The following PIGF variants were observed in gnomAD, a reference collection of about 807,000 sequenced individuals.
The protein encoded by PIGF is phosphatidylinositol glycan anchor biosynthesis class F.
PIGF carries 23 observed loss-of-function variants against 26.0 expected under a neutral mutation model. The ratio of observed to expected loss-of-function variants is 0.88; its 90% CI spans 0.64 to 1.25. PIGF has a LOEUF of 1.25. Ranked by LOEUF, PIGF falls within the 50% of genes most tolerant of loss-of-function variation. The probability of loss-of-function intolerance (pLI) is 0.00; values close to 1 mark genes in which losing one functional copy is unlikely to be tolerated. For synonymous variants in PIGF, 93 were observed against 92.6 expected (o/e 1.00, Z -0.03); for missense variants, 278 against 249.9 (o/e 1.11, Z -0.76).
intron 4 of PIGF, among the ~76,000 whole-genome samples, chr2:46,609,639 T>A (rs775102965): frequency 6.6e-6 from 1 of 152,066 alleles, no homozygotes; most frequent in Non-Finnish European, 1.5e-5. Flanking sequence ...GACCATAGTA[T>A]GGTTATTAAC....
intron 5 of PIGF, chr2:46,581,869 G>C: frequency 3.5e-6 from 1 of 286,810 alleles, no homozygotes; most frequent in Non-Finnish European, 6.4e-6. Context: ...TTAAAATTTT[G>C]GGTCAGACTT....
chr2:46,586,577 G>A (rs905246311), intron 5 of PIGF, among the ~76,000 whole-genome samples: 4 of 152,058 alleles, frequency 2.6e-5, no homozygotes, highest in African/African-American at 9.7e-5. Context: ...TGTCTCTCTC[G>A]AGATAAAAAG....
intron 4 of PIGF, among the ~76,000 whole-genome samples, chr2:46,606,791 A>T (rs1670235398): frequency 1.3e-5 from 2 of 152,318 alleles, no homozygotes; most frequent in South Asian, 4.1e-4. Context: ...AAAAACCTAT[A>T]CACAAATGTT....
chr2:46,600,949 T>C (rs539051629), intron 4 of PIGF, among the ~76,000 whole-genome samples: 1 of 152,052 alleles, frequency 6.6e-6, no homozygotes, highest in East Asian at 1.9e-4. Flanking sequence ...GAAGAACATA[T>C]AAAATCTGCT....
chr2:46,594,957 T>A (rs1434468039), intron 4 of PIGF, among the ~76,000 whole-genome samples: 2 of 151,716 alleles, frequency 1.3e-5, no homozygotes, highest in Non-Finnish European at 2.9e-5. Context: ...TTCAAGGGAT[T>A]CTCCTGCCTC....
chr2:46,603,169 T>C (rs1670112444), intron 4 of PIGF, among the ~76,000 whole-genome samples: 2 of 151,952 alleles, frequency 1.3e-5, no homozygotes, highest in Non-Finnish European at 2.9e-5. Flanking sequence ...GTGAAATATA[T>C]CTACAATGAA....
chr2:46,590,981 C>T (rs1390873172), intron 5 of PIGF, among the ~76,000 whole-genome samples: 2 of 152,200 alleles, frequency 1.3e-5, no homozygotes, highest in Admixed American at 1.3e-4. Flanking sequence ...GCAAGGCACA[C>T]AATCTGGATC....
In PIGF at chr2:46,588,090, T is replaced by C. The variant is rs1669632384; in HGVS notation, c.546+4385A>G. 6.3e-7 allele frequency: 1 copy of C among 1,594,440 alleles called. No individual in the cohort carries two copies. Among genetic ancestry groups the C allele is most frequent in the Non-Finnish European group, 8.5e-7 (1 of 1,169,908 alleles). On this transcript the variant is annotated intron_variant, in intron 5 of 5. Coordinates refer to ENST00000281382, the MANE Select transcript of PIGF (RefSeq NM_002643.4). The surrounding 1 kb of genome is among the most constrained non-coding windows in gnomAD (Gnocchi z 4.1). Reference sequence around the variant, plus strand: ...TAAAACCTACCTTGCACTACGGTTGTCAGGATTAAGTTACTCATTTCACAG... The same window carrying C: ...TAAAACCTACCTTGCACTACGGTTGCCAGGATTAAGTTACTCATTTCACAG...
chr2:46,583,152 G>C (rs897224100), intron 5 of PIGF: 8 of 151,962 alleles, frequency 5.3e-5, no homozygotes, highest in African/African-American at 1.9e-4. Flanking sequence ...TTTTTTTGGT[G>C]GGGGGAGGGG....
chr2:46,586,981 G>A (rs1669596646), intron 5 of PIGF, among the ~76,000 whole-genome samples: 1 of 152,182 alleles, frequency 6.6e-6, no homozygotes, highest in African/African-American at 2.4e-5. Context: ...GACACTAAAA[G>A]GTTCTGGTCA....
In PIGF at chr2:46,616,781, C is replaced by G. The variant is rs76801302; in HGVS notation, c.-22+189G>C. On this transcript the variant is annotated intron_variant, in intron 1 of 5. Coordinates refer to ENST00000281382, the MANE Select transcript of PIGF (RefSeq NM_002643.4). ...CATGGGAGTTGAAGACAAGGGAAAA[C>G]TGGGGGACAGAGGCGAAAACTCGGA... 451 of 183,186 alleles carry G rather than the reference C, an allele frequency of 2.5e-3. 3 individuals are homozygous for G. Among genetic ancestry groups the G allele is most frequent in the African/African-American group, 0.01 (430 of 41,838 alleles). 11.3% of individuals were successfully genotyped at this position (183,186 alleles called of 1,614,324 possible).
chr2:46,614,676 TA>T (rs1317111674), intron 2 of PIGF: 1 of 274,266 alleles, frequency 3.6e-6, no homozygotes, highest in African/African-American at 2.2e-5. Context: ...AATGGTGACA[TA>T]AAACAATGAC....
At chr2:46,603,572 A>G (rs1670126760) in intron 4 of PIGF, among the ~76,000 whole-genome samples, 1 of 152,030 alleles carries the variant, frequency 6.6e-6, no homozygotes, top group South Asian at 2.1e-4. Context: ...CAGTGAGCTC[A>G]TTTCATCAAA....
chr2:46,607,609 T>C (rs1670264964), intron 4 of PIGF, among the ~76,000 whole-genome samples: 1 of 152,248 alleles, frequency 6.6e-6, no homozygotes, highest in African/African-American at 2.4e-5. Context: ...CAGCAAGTTG[T>C]AATCTTTTTG....
intron 4 of PIGF, among the ~76,000 whole-genome samples, chr2:46,611,059 A>G (rs576011041): frequency 2.3e-4 from 35 of 151,814 alleles, no homozygotes; most frequent in Non-Finnish European, 4.7e-4. Flanking sequence ...GATCATTCCC[A>G]TCTCCCCCTC....
At chr2:46,599,252 C>T (rs995428809) in intron 4 of PIGF, among the ~76,000 whole-genome samples, 6 of 152,162 alleles carry the variant, frequency 3.9e-5, no homozygotes, top group Admixed American at 3.9e-4. Context: ...ACTTCCATTG[C>T]TTGTATTAGT....
intron 2 of PIGF, 148 bp downstream of exon 2, chr2:46,614,789 G>T: frequency 1.8e-6 from 1 of 570,324 alleles, no homozygotes. Context: ...CTTCCACCAA[G>T]TAACAGCCTA....
intron 4 of PIGF, among the ~76,000 whole-genome samples, chr2:46,600,310 A>C (rs1169640991): frequency 6.6e-6 from 1 of 152,182 alleles, no homozygotes; most frequent in East Asian, 1.9e-4. Flanking sequence ...CTTTAGTTTG[A>C]CAGTGTCTGT....
chr2:46,596,302 C>T (rs1188236926), intron 4 of PIGF, among the ~76,000 whole-genome samples: 1 of 151,786 alleles, frequency 6.6e-6, no homozygotes, highest in Non-Finnish European at 1.5e-5. Flanking sequence ...CATGCCTTCA[C>T]ATTTTTCACG....
Sources: gnomAD v4.1 joint callset for allele counts (sites outside exome capture counted in the v4.1 genomes callset) on GRCh38, gnomAD v4.1.1 for gene constraint, Gnocchi (gnomAD v3.1) non-coding constraint, MANE v1.5 for transcripts, NCBI Gene and HGNC (gene_info 2026-07-23, HGNC 2026-07-21) for gene names.